The following SLC4A4 variants were observed in gnomAD, a reference collection of about 807,000 sequenced individuals.
SLC4A4 encodes electrogenic sodium bicarbonate cotransporter 1.
In SLC4A4, 27 loss-of-function variants were observed where a neutral mutation model predicts 111.5. That is an observed-to-expected ratio of 0.24 (90% CI 0.18 to 0.33). SLC4A4 has a LOEUF of 0.33. Among genes scored for constraint, SLC4A4 ranks in the 10% least tolerant of loss-of-function variants. The pLI is 1.00. For synonymous variants in SLC4A4, 443 were observed against 463.4 expected (o/e 0.96, Z 0.57); for missense variants, 909 against 1,315.5 (o/e 0.69, Z 4.78).
intron 3 of SLC4A4, among the ~76,000 whole-genome samples, chr4:71,267,791 C>CAAAAAAAAAAAAAAAGAAAAAAAAAA (rs1722381182): frequency 1.6e-5 from 1 of 62,360 alleles, no homozygotes; most frequent in Non-Finnish European, 2.5e-5. Context: ...GAGAGTCTGC[C>CAAAAAAAAAAAAAAAGAAAAAAAAAA]AAAAAAAAAA....
chr4:71,321,409 C>T (rs1727109493), intron 3 of SLC4A4, among the ~76,000 whole-genome samples: 1 of 152,004 alleles, frequency 6.6e-6, no homozygotes, highest in Admixed American at 6.6e-5. Context: ...TGCCATTTCT[C>T]AAGCAGTCGA....
At chr4:71,275,732 A>G (rs1384349921) in intron 3 of SLC4A4, among the ~76,000 whole-genome samples, 2 of 152,264 alleles carry the variant, frequency 1.3e-5, no homozygotes, top group East Asian at 1.9e-4. Flanking sequence ...TCGGCCCTCA[A>G]GCAAATGTTT....
chr4:71,323,827 GTGTTGTTTTGGCATCCCCAAACTA>G (rs1727301752), intron 3 of SLC4A4, among the ~76,000 whole-genome samples: 1 of 151,802 alleles, frequency 6.6e-6, no homozygotes, highest in African/African-American at 2.4e-5. Context: ...CCAAACTACT[GTGTTGTTTTGGCATCCCCAAACTA>G]CTGTGTTGTT....
Position 71,472,961 on chromosome 4 carries a change from C to A in SLC4A4, c.1894C>A (p.Pro632Thr), listed in dbSNP as rs1271803773. ...TCTCTTTTCCTGTACCTGTGTGCCA[C>A]CTGACCCAGGTGAGGGCATTACGCT... ...NTLFSCTCVP[P>T]DPANISISND... Residue 632 changes from proline to threonine, a missense_variant, in exon 14 of 26, where the codon CCT (proline) becomes ACT (threonine). Physicochemically the swap from Pro to Thr is conservative, Grantham distance 38. Around this residue, in one of 7 missense-constraint regions of SLC4A4, gnomAD observed 264 missense variants for 356.8 expected, o/e 0.74. Coordinates refer to ENST00000264485, the MANE Select transcript of SLC4A4 (RefSeq NM_001098484.3). 1 of 1,612,788 alleles carries A rather than the reference C, an allele frequency of 6.2e-7. No individual in the cohort carries two copies. The highest frequency in any genetic ancestry group is 1.3e-5 in the African/African-American group (1 of 74,780).
intron 17 of SLC4A4, among the ~76,000 whole-genome samples, chr4:71,532,662 C>T (rs1734046074): frequency 6.6e-6 from 1 of 151,998 alleles, no homozygotes; most frequent in African/African-American, 2.4e-5. Context: ...CATACCACCA[C>T]CCCCAGCTAA....
rs1410516933 is a variant in SLC4A4 at position 71,415,594 on chromosome 4, A to C, written c.807+17941A>C. 2.0e-5 allele frequency among the ~76,000 whole-genome samples: 3 copies of C among 152,312 alleles called. No homozygotes were observed. In the South Asian group the frequency reaches 6.2e-4, roughly 32 times the overall value. ...TAAGGCACAGATATTTTTAATGCAC[A>C]GCTGAATTTTAAATGATGTATCTGT... is the stretch of plus-strand genomic sequence containing the variant. On this transcript the variant is annotated intron_variant, in intron 7 of 25. Transcript: ENST00000264485.
At chr4:71,492,399 A>T (rs1051559193) in intron 15 of SLC4A4, among the ~76,000 whole-genome samples, 9 of 151,964 alleles carry the variant, frequency 5.9e-5, no homozygotes, top group African/African-American at 2.2e-4. Context: ...CACTCAGTAT[A>T]ACAGGGTAAT....
intron 2 of SLC4A4, among the ~76,000 whole-genome samples, chr4:71,146,178 T>G (rs1744161103): frequency 6.6e-6 from 1 of 152,230 alleles, no homozygotes; most frequent in South Asian, 2.1e-4. Flanking sequence ...AAAGAACATC[T>G]TTATTTCTGC....
chr4:71,440,801 CA>C, intron 8 of SLC4A4, 28 bp downstream of exon 8: 1 of 1,612,794 alleles, frequency 6.2e-7, no homozygotes, highest in Non-Finnish European at 8.5e-7. Flanking sequence ...CTGGGGTCTA[CA>C]ATGTGCTAAT....
At chr4:71,546,197 T>C (rs963387773) in intron 18 of SLC4A4, among the ~76,000 whole-genome samples, 153 bp from the exon 19 acceptor site, 5 of 152,042 alleles carry the variant, frequency 3.3e-5, no homozygotes, top group Non-Finnish European at 4.4e-5. Flanking sequence ...GGGGGAATAA[T>C]ACAAAGAAGA....
intron 3 of SLC4A4, among the ~76,000 whole-genome samples, chr4:71,319,573 A>G (rs1726957189): frequency 6.6e-6 from 1 of 152,042 alleles, no homozygotes; most frequent in Non-Finnish European, 1.5e-5. Context: ...AGTTTTTTCA[A>G]TCTTTGTATT....
At chr4:71,311,285 C>T (rs1407538784) in intron 3 of SLC4A4, among the ~76,000 whole-genome samples, 4 of 152,020 alleles carry the variant, frequency 2.6e-5, no homozygotes, top group South Asian at 2.1e-4. Flanking sequence ...GACAGATCAA[C>T]GAGACAGAAA....
chr4:71,380,137 G>T (rs983604735), intron 6 of SLC4A4, among the ~76,000 whole-genome samples: 1 of 152,200 alleles, frequency 6.6e-6, no homozygotes, highest in African/African-American at 2.4e-5. Flanking sequence ...AAGCTCTGCT[G>T]CTTTTCTGTG....
intron 2 of SLC4A4, among the ~76,000 whole-genome samples, chr4:71,148,798 C>T (rs1744246620): frequency 6.6e-6 from 1 of 152,118 alleles, no homozygotes; most frequent in Non-Finnish European, 1.5e-5. Context: ...CTAAATACCC[C>T]TTGATGGGCA....
At chr4:71,139,022 TGA>T (rs1354889075) in intron 2 of SLC4A4, among the ~76,000 whole-genome samples, 24 of 113,450 alleles carry the variant, frequency 2.1e-4, no homozygotes, top group Middle Eastern at 8.6e-3. Flanking sequence ...GGCGACAGAG[TGA>T]GACTCCGTCT....
chr4:71,406,881 CTA>C lies in SLC4A4; in HGVS notation c.807+9230_807+9231del, dbSNP rs142591490. 4.1e-3 allele frequency among the ~76,000 whole-genome samples: 631 copies of C among 152,224 alleles called. 1 individual carries two copies. The highest frequency in any genetic ancestry group is 0.014 in the African/African-American group (587 of 41,530). ...GTAGCTGTATCTGATAGTATTGAGTCTATTGCTACGTAAGCAATAATTAACAA... is the reference window on the plus strand; with the variant it reads ...GTAGCTGTATCTGATAGTATTGAGTCTTGCTACGTAAGCAATAATTAACAA... On this transcript the variant is annotated intron_variant, in intron 7 of 25. Coordinates refer to ENST00000264485, the MANE Select transcript of SLC4A4 (RefSeq NM_001098484.3).
At chr4:71,521,646 G>T (rs1468815672) in intron 16 of SLC4A4, among the ~76,000 whole-genome samples, 1 of 152,110 alleles carries the variant, frequency 6.6e-6, no homozygotes, top group African/African-American at 2.4e-5. Flanking sequence ...ATTTATGAAG[G>T]TGAGGTTAGA....
chr4:71,462,084 G>A (rs916697993), intron 12 of SLC4A4, among the ~76,000 whole-genome samples: 1 of 151,512 alleles, frequency 6.6e-6, no homozygotes, highest in Non-Finnish European at 1.5e-5. Flanking sequence ...TCTCTCCTTC[G>A]TCTCTTAAAG....
chr4:71,451,395 T>A (rs1725749949), intron 11 of SLC4A4, 94 bp downstream of exon 11: 1 of 840,680 alleles, frequency 1.2e-6, no homozygotes, highest in Non-Finnish European at 2.1e-6. Context: ...AGTTTGTTCA[T>A]CTGTTCAGCC....
Sources: gnomAD v4.1 joint callset for allele counts (sites outside exome capture counted in the v4.1 genomes callset) on GRCh38, gnomAD v4.1.1 for gene constraint, gnomAD v4.1.1 regional missense constraint, MANE v1.5 for transcripts, NCBI Gene and HGNC (gene_info 2026-07-23, HGNC 2026-07-21) for gene names.